Variants in ACP7 observed in about 807,000 individuals in gnomAD.
ACP7 encodes acid phosphatase type 7.
A neutral mutation model predicts 60.6 loss-of-function variants in ACP7; 58 were observed. The ratio of observed to expected loss-of-function variants is 0.96; its 90% confidence interval spans 0.77 to 1.19. The LOEUF (loss-of-function observed/expected upper bound fraction) is 1.19, where lower values mean the gene tolerates loss of function less well. Among genes scored for constraint, ACP7 ranks in the 50% most tolerant of loss-of-function variants. The probability of loss-of-function intolerance (pLI) is 0.00; values close to 1 mark genes in which losing one functional copy is unlikely to be tolerated. For synonymous variants in ACP7, 237 were observed against 232.6 expected (o/e 1.02, Z -0.17); for missense variants, 574 against 596.2 (o/e 0.96, Z 0.39).
chr19:39,107,187 C>A, intron 12 of ACP7, 103 bp downstream of exon 12: 1 of 1,209,240 alleles, frequency 8.3e-7, no homozygotes, highest in Non-Finnish European at 1.1e-6. Flanking sequence ...TGGCTCATGC[C>A]TGCAACACCT....
chr19:39,098,403 C>T, intron 2 of ACP7, 55 bp from the exon 3 acceptor site: 1 of 1,316,702 alleles, frequency 7.6e-7, no homozygotes, highest in Non-Finnish European at 1.0e-6. Context: ...CTGCATATCC[C>T]TCCCACCCTG....
intron 11 of ACP7, among the ~76,000 whole-genome samples, chr19:39,102,799 T>C (rs1398958984): frequency 3.0e-4 from 39 of 131,668 alleles, no homozygotes; most frequent in African/African-American, 1.0e-3. Flanking sequence ...CTCTCTTTCT[T>C]TCTTTCTTTT....
Position 39,101,350 on chromosome 19 carries a change from T to A in ACP7, c.1036T>A (p.Tyr346Asn). 6.2e-7 allele frequency: 1 copy of A among 1,614,162 alleles called. No individual in the cohort carries two copies. Among genetic ancestry groups the A allele is most frequent in the Non-Finnish European group, 8.5e-7 (1 of 1,180,038 alleles). Residue 346 changes from tyrosine to asparagine, a missense_variant, in exon 10 of 13, where the codon TAC becomes AAC. Tyr to Asn is a moderately radical substitution (Grantham distance 143, BLOSUM62 -2). Transcript: ENST00000331256. ...TGAACGACTGTGGCCAATTTACAAC[T>A]ACCAGGTGAGGCACGTGAAGGGCTG... Reference protein sequence around the residue: ...SYERLWPIYNYQVFNGSREMP... With the variant: ...SYERLWPIYNNQVFNGSREMP...
intron 2 of ACP7, among the ~76,000 whole-genome samples, chr19:39,087,635 T>TTG (rs1271435651): frequency 3.5e-5 from 5 of 141,170 alleles, no homozygotes; most frequent in African/African-American, 1.5e-4. Context: ...TAATTTTGTT[T>TTG]TTTTTTTTTT....
chr19:39,096,936 G>A (rs1053301032), intron 2 of ACP7, among the ~76,000 whole-genome samples: 4 of 152,036 alleles, frequency 2.6e-5, no homozygotes, highest in Non-Finnish European at 4.4e-5. Context: ...CAAGTAGCTG[G>A]GACTACAGGC....
chr19:39,087,713 A>G (rs2073159771), intron 2 of ACP7, among the ~76,000 whole-genome samples: 1 of 150,012 alleles, frequency 6.7e-6, no homozygotes. Flanking sequence ...GGCTCACTGC[A>G]AGCTCCACCT....
chr19:39,104,442 A>G (rs990102643), intron 11 of ACP7, among the ~76,000 whole-genome samples: 1 of 152,234 alleles, frequency 6.6e-6, no homozygotes, highest in Non-Finnish European at 1.5e-5. Flanking sequence ...AATCCCTGGC[A>G]TTGATCTCCC....
chr19:39,098,959 G>A lies in ACP7; in HGVS notation c.323-1G>A, dbSNP rs2073305704. On this transcript the variant is annotated splice_acceptor_variant, in intron 3 of 12. Coordinates refer to ENST00000331256, the MANE Select transcript of ACP7 (RefSeq NM_001004318.3). LOFTEE classifies it high-confidence loss of function. ...CTGCGACCTTTTCCTCTCCCATTCA[G>A]TTTATCGCTGTGGCAGTGCGCAGGG... 6 of 1,608,304 alleles carry A rather than the reference G, an allele frequency of 3.7e-6. No homozygotes were observed. In the East Asian group the frequency reaches 1.1e-4, roughly 30 times the overall value.
At position 39,085,111 on chromosome 19, in the gene ACP7, C is replaced by G; in HGVS notation, c.-159C>G. 1.1e-6 allele frequency: 1 copy of G among 924,958 alleles called. No individual in the cohort carries two copies. Among genetic ancestry groups the G allele is most frequent in the Non-Finnish European group, 1.6e-6 (1 of 634,336 alleles). The allele number at this position is 924,958 out of a possible 1,614,324, so 57.3% of individuals were successfully genotyped here. A position where few individuals can be genotyped will look rare whatever the true frequency, so the allele number is the denominator to read the frequency against. Reference sequence around the variant, plus strand: ...CTCCAGCACCTGGATAACCACCCATCTTGAAGGAGACCTCCCTGCCCTGCC... The same window carrying G: ...CTCCAGCACCTGGATAACCACCCATGTTGAAGGAGACCTCCCTGCCCTGCC... On this transcript the variant is annotated 5_prime_UTR_variant, in exon 2 of 13. In the 5' UTR this introduces an upstream ATG that the reference lacks. Coordinates refer to ENST00000331256, the MANE Select transcript of ACP7 (RefSeq NM_001004318.3).
Position 39,101,519 on chromosome 19 carries a change from C to T in ACP7, c.1095C>T (p.His365=), listed in dbSNP as rs1391535514. The T allele has an allele frequency of 6.2e-7, 1 of 1,614,068 alleles. No homozygotes were observed. Among genetic ancestry groups the T allele is most frequent in the African/African-American group, 1.3e-5 (1 of 75,042 alleles). ...MPYTNPRGPV[H]IITGSAGCEE... ...ACACCAACCCGCGAGGGCCTGTCCA[C>T]ATCATCACAGGATCTGCTGTGAGCA... is the stretch of plus-strand genomic sequence containing the variant. Residue 365 remains histidine, a synonymous_variant, in exon 11 of 13, where the codon CAC becomes CAT. Transcript: ENST00000331256.
intron 11 of ACP7, among the ~76,000 whole-genome samples, chr19:39,102,727 C>CTT (rs1555769434): frequency 2.7e-5 from 2 of 75,216 alleles, no homozygotes; most frequent in Non-Finnish European, 5.6e-5. Context: ...TTCTTTCTTT[C>CTT]TTTCTTTCTT....
rs146836547 is a variant in ACP7 at position 39,088,781 on chromosome 19, C to T, written c.121+3391C>T. Among the ~76,000 whole-genome samples the T allele has an allele frequency of 6.0e-3, 919 of 152,026 alleles. 11 individuals carry two copies. The highest frequency in any genetic ancestry group is 0.02 in the African/African-American group (815 of 41,454). On this transcript the variant is annotated intron_variant, in intron 2 of 12. Transcript: ENST00000331256. ...TTTGTTTTGAGACAGAGTCTCACTC[C>T]GTCGCCCAGGCTGGAGTGCAGTGGT...
Position 39,101,057 on chromosome 19 carries a change from G to C in ACP7, c.915+1G>C. On this transcript the variant is annotated splice_donor_variant, in intron 8 of 12. Coordinates refer to ENST00000331256, the MANE Select transcript of ACP7 (RefSeq NM_001004318.3). LOFTEE classifies it high-confidence loss of function. ...CGACTGCACACGACATGAAAGCAAG[G>C]TGAGGTCCCTCCCTGGGAGACAGTG... The C allele has an allele frequency of 1.2e-6, 2 of 1,613,986 alleles. No homozygotes were observed. The highest frequency in any genetic ancestry group is 8.5e-7 in the Non-Finnish European group (1 of 1,180,012).
intron 2 of ACP7, among the ~76,000 whole-genome samples, chr19:39,090,094 G>A (rs942119230): frequency 2.0e-5 from 3 of 151,992 alleles, no homozygotes; most frequent in African/African-American, 7.3e-5. Flanking sequence ...CAATTAGTGT[G>A]GTATTTGCCT....
At chr19:39,098,846 C>A in intron 3 of ACP7, 114 bp from the exon 4 acceptor site, 2 of 1,464,478 alleles carry the variant, frequency 1.4e-6, no homozygotes, top group Non-Finnish European at 9.2e-7. Flanking sequence ...GGGGCATGGG[C>A]CAGCCCCCAC....
rs776778267 is a variant in ACP7 at position 39,098,499 on chromosome 19, C to A, written c.163C>A (p.Pro55Thr). 1 of 1,604,648 alleles carries A rather than the reference C, an allele frequency of 6.2e-7. No homozygotes were observed. Among genetic ancestry groups the A allele is most frequent in the Non-Finnish European group, 8.5e-7 (1 of 1,176,162 alleles). ...SMTVTWTTWV[P>T]TRSEVQFGLQ... ...GACTGTAACTTGGACCACATGGGTC[C>A]CAACCCGCTCTGAAGTGCAATTCGG... is the stretch of plus-strand genomic sequence containing the variant. The change falls in exon 3 of 13, where the codon CCA becomes ACA. Residue 55 changes from proline (P) to threonine (T), a missense_variant. Pro to Thr is a conservative substitution (Grantham distance 38, BLOSUM62 -1). Coordinates refer to ENST00000331256, the MANE Select transcript of ACP7 (RefSeq NM_001004318.3).
At chr19:39,099,947 GGCACCACT>G (rs1395202869) in intron 4 of ACP7, among the ~76,000 whole-genome samples, 2 of 142,298 alleles carry the variant, frequency 1.4e-5, no homozygotes, top group Non-Finnish European at 3.0e-5. Context: ...GAGCCAAGAT[GGCACCACT>G]GCAGTCCAGC....
At chr19:39,099,526 T>C (rs561368424) in intron 4 of ACP7, among the ~76,000 whole-genome samples, 1 of 152,154 alleles carries the variant, frequency 6.6e-6, no homozygotes, top group Admixed American at 6.5e-5. Context: ...ATTGCTGCTG[T>C]TGTTATTTAA....
intron 12 of ACP7, among the ~76,000 whole-genome samples, chr19:39,108,329 C>CTT (rs2073434144): frequency 1.3e-5 from 2 of 151,466 alleles, no homozygotes; most frequent in East Asian, 3.9e-4. Context: ...TTAGTAGAGA[C>CTT]AGGGTTTCAC....
Sources: gnomAD v4.1 joint callset for allele counts (sites outside exome capture counted in the v4.1 genomes callset) on GRCh38, gnomAD v4.1.1 for gene constraint, MANE v1.5 for transcripts, NCBI Gene and HGNC (gene_info 2026-07-23, HGNC 2026-07-21) for gene names.